KCTD16: variants seen among roughly 807,000 people sequenced by gnomAD.
KCTD16 encodes BTB/POZ domain-containing protein KCTD16.
A neutral mutation model predicts 33.2 loss-of-function variants in KCTD16; 13 were observed. The ratio of observed to expected loss-of-function variants is 0.39; its 90% CI spans 0.25 to 0.62. The LOEUF is 0.62. KCTD16 is among the 20% of genes least tolerant of loss of function. The pLI, the probability that KCTD16 is intolerant of heterozygous loss-of-function variation, is 0.50. For synonymous variants in KCTD16, 197 were observed against 195.3 expected (o/e 1.01, Z -0.07); for missense variants, 441 against 525.1 (o/e 0.84, Z 1.57).
At chr5:144,452,440 T>C (rs116526153) in intron 3 of KCTD16, among the ~76,000 whole-genome samples, 1,883 of 151,818 alleles carry the variant, frequency 0.012, 37 homozygotes, top group African/African-American at 0.044. Context: ...ATCGAACATA[T>C]ACCTAATTAT....
chr5:144,449,440 A>G (rs546150248), intron 3 of KCTD16, among the ~76,000 whole-genome samples: 15 of 152,176 alleles, frequency 9.9e-5, no homozygotes, highest in African/African-American at 3.6e-4. Flanking sequence ...CAAAATAACC[A>G]AAGTGATCTT....
At chr5:144,237,188 G>A (rs1193932012) in intron 3 of KCTD16, among the ~76,000 whole-genome samples, 1 of 151,970 alleles carries the variant, frequency 6.6e-6, no homozygotes, top group African/African-American at 2.4e-5. Context: ...CCAGTTACAT[G>A]CCTCTATTTG....
At chr5:144,395,408 C>G (rs772557672) in intron 3 of KCTD16, among the ~76,000 whole-genome samples, 7 of 152,146 alleles carry the variant, frequency 4.6e-5, no homozygotes, top group Non-Finnish European at 7.3e-5. Context: ...AGAGGTCTTG[C>G]CGCCTTTCAT....
At chr5:144,220,986 G>C (rs1428662346) in intron 3 of KCTD16, among the ~76,000 whole-genome samples, 1 of 151,750 alleles carries the variant, frequency 6.6e-6, no homozygotes, top group African/African-American at 2.4e-5. Flanking sequence ...AAAAAGAAAA[G>C]GGCAACTTGA....
chr5:144,207,494 C>T lies in KCTD16; in HGVS notation c.780C>T (p.Asn260=). ...CATCGGTGACAGCATCTTTCATCAA[C>T]CAATATACAGATGACAAGATCTGGT... ...CNSSVTASFI[N]QYTDDKIWSS... Residue 260 remains asparagine, a synonymous_variant, in exon 3 of 4, where the codon AAC becomes AAT. Transcript: ENST00000512467. 1 of 1,614,158 alleles carries T rather than the reference C, an allele frequency of 6.2e-7. No homozygotes were observed.
intron 3 of KCTD16, among the ~76,000 whole-genome samples, chr5:144,358,090 A>AT (rs539287370): frequency 0.062 from 7,055 of 114,422 alleles, 350 homozygotes; most frequent in African/African-American, 0.12. Flanking sequence ...CACCCGGCTA[A>AT]TTTTTTTTTT....
At chr5:144,339,850 A>G (rs145042032) in intron 3 of KCTD16, among the ~76,000 whole-genome samples, 20 of 152,216 alleles carry the variant, frequency 1.3e-4, no homozygotes, top group African/African-American at 4.8e-4. Context: ...ATTAAAACAC[A>G]TTTGTGATCC....
intron 3 of KCTD16, among the ~76,000 whole-genome samples, chr5:144,401,601 A>G (rs1752706016): frequency 6.6e-6 from 1 of 152,222 alleles, no homozygotes; most frequent in Non-Finnish European, 1.5e-5. Flanking sequence ...TTTCCTGGGC[A>G]TTTTGCAGAA....
intron 2 of KCTD16, among the ~76,000 whole-genome samples, chr5:144,201,476 T>C (rs973220147): frequency 6.6e-6 from 1 of 152,132 alleles, no homozygotes; most frequent in Admixed American, 6.6e-5. Flanking sequence ...TATGCCTCAA[T>C]TGGAGTTTAA....
chr5:144,373,811 G>T (rs746430993), intron 3 of KCTD16, among the ~76,000 whole-genome samples: 2 of 152,192 alleles, frequency 1.3e-5, no homozygotes, highest in Non-Finnish European at 2.9e-5. Flanking sequence ...GTAAGATGAG[G>T]TTAGTTAGCC....
chr5:144,418,558 T>C (rs1315319436), intron 3 of KCTD16, among the ~76,000 whole-genome samples: 1 of 152,168 alleles, frequency 6.6e-6, no homozygotes. Context: ...CTAGCTGGCT[T>C]CACCTCTCAG....
intron 3 of KCTD16, among the ~76,000 whole-genome samples, chr5:144,252,607 A>AT (rs201286725): frequency 0.025 from 3,586 of 144,872 alleles, 86 homozygotes; most frequent in African/African-American, 0.069. Flanking sequence ...TCACAGGTGA[A>AT]TTTTTTTTTT....
chr5:144,359,816 G>C (rs1188270562), intron 3 of KCTD16, among the ~76,000 whole-genome samples: 4 of 151,830 alleles, frequency 2.6e-5, no homozygotes, highest in Non-Finnish European at 4.4e-5. Context: ...CTTTATCTAG[G>C]GGTCTTATTC....
chr5:144,413,430 A>AT (rs1354252066), intron 3 of KCTD16, among the ~76,000 whole-genome samples: 1 of 152,224 alleles, frequency 6.6e-6, no homozygotes, highest in Non-Finnish European at 1.5e-5. Flanking sequence ...TTTATACAAG[A>AT]TTTTTTAATC....
chr5:144,374,287 C>A (rs1752037824), intron 3 of KCTD16, among the ~76,000 whole-genome samples: 1 of 152,126 alleles, frequency 6.6e-6, no homozygotes, highest in African/African-American at 2.4e-5. Context: ...CCTGTACCAT[C>A]CTATTGCTTT....
chr5:144,171,077 A>G (rs1387058921), intron 1 of KCTD16, 68 bp downstream of exon 1: 3 of 152,376 alleles, frequency 2.0e-5, no homozygotes, highest in Non-Finnish European at 2.9e-5. Flanking sequence ...AAGTGAAGCT[A>G]TTAAGTATTC....
Position 144,462,416 on chromosome 5 carries a change from G to A in KCTD16, c.833-11244G>A, listed in dbSNP as rs186357005. 3.5e-4 allele frequency among the ~76,000 whole-genome samples: 53 copies of A among 151,840 alleles called. No individual in the cohort carries two copies. In the East Asian group the frequency reaches 8.3e-3, roughly 24 times the overall value. Reference sequence around the variant, plus strand: ...TGAGTTTTTAACTAAAAATTTTACCGTCTCTTAGGAATTCTCTTTGCCATT... The same window carrying A: ...TGAGTTTTTAACTAAAAATTTTACCATCTCTTAGGAATTCTCTTTGCCATT... On this transcript the variant is annotated intron_variant, in intron 3 of 3. Coordinates refer to ENST00000512467, the MANE Select transcript of KCTD16 (RefSeq NM_020768.4).
chr5:144,288,756 G>A (rs1403679624), intron 3 of KCTD16, among the ~76,000 whole-genome samples: 2 of 152,132 alleles, frequency 1.3e-5, no homozygotes, highest in South Asian at 2.1e-4. Flanking sequence ...GATCACTTGA[G>A]GTCAGGAGTT....
intron 1 of KCTD16, among the ~76,000 whole-genome samples, chr5:144,171,805 A>G (rs547298358): frequency 3.9e-5 from 6 of 152,310 alleles, no homozygotes; most frequent in African/African-American, 1.4e-4. Flanking sequence ...GTTGGTTCTA[A>G]AAGAAGTGAA....
Sources: allele counts gnomAD v4.1 joint callset (sites outside exome capture counted in the v4.1 genomes callset), GRCh38; gene constraint gnomAD v4.1.1; transcripts MANE v1.5; gene names NCBI Gene and HGNC (gene_info 2026-07-23, HGNC 2026-07-21).